Variants in KIAA1328 observed in about 807,000 individuals in gnomAD.
The protein encoded by KIAA1328 is protein hinderin.
Under a neutral mutation model 68.1 loss-of-function variants are expected in KIAA1328, and 52 were observed. That is an observed-to-expected ratio of 0.76 (90% CI 0.61 to 0.96). The LOEUF is 0.96. Ranked by LOEUF, KIAA1328 falls within the 40% of genes least tolerant of loss-of-function variation. The pLI, the probability that KIAA1328 is intolerant of heterozygous loss-of-function variation, is 0.00. For synonymous variants in KIAA1328, 232 were observed against 239.4 expected, an observed-to-expected ratio of 0.97 and a Z score of 0.28; for missense variants, 641 against 677.6, an observed-to-expected ratio of 0.95 and a Z score of 0.60.
intron 3 of KIAA1328, among the ~76,000 whole-genome samples, chr18:36,837,305 A>G (rs1223965904): frequency 6.6e-6 from 1 of 152,170 alleles, no homozygotes; most frequent in African/African-American, 2.4e-5. Flanking sequence ...GTGAAGTGGT[A>G]ATTCAATGTG....
chr18:36,959,334 C>T lies in KIAA1328; in HGVS notation c.475C>T (p.Gln159Ter), dbSNP rs770322485. The T allele has an allele frequency of 6.2e-7, 1 of 1,602,004 alleles. No individual in the cohort carries two copies. The highest frequency in any genetic ancestry group is 1.1e-5 in the South Asian group (1 of 88,518). Residue 159 changes from glutamine (Q) to a stop codon, truncating the protein, a stop_gained, in exon 6 of 10, where the codon CAA becomes TAA. Coordinates refer to ENST00000280020, the MANE Select transcript of KIAA1328 (RefSeq NM_020776.3). LOFTEE classifies it high-confidence loss of function. ...EALQLQYREC[Q>*]ELLSLYQKYL... Reference sequence around the variant, plus strand: ...TCTTCAGCTACAGTATAGAGAATGCCAAGAACTTCTAAGCCTGTATCAGAA... The same window carrying T: ...TCTTCAGCTACAGTATAGAGAATGCTAAGAACTTCTAAGCCTGTATCAGAA...
chr18:36,891,557 G>A (rs903340958), intron 5 of KIAA1328, among the ~76,000 whole-genome samples: 1 of 152,166 alleles, frequency 6.6e-6, no homozygotes, highest in Non-Finnish European at 1.5e-5. Flanking sequence ...AGAACATAAC[G>A]ATGTTTGGTT....
At chr18:37,145,224 A>G (rs1055042549) in intron 7 of KIAA1328, among the ~76,000 whole-genome samples, 9 of 152,218 alleles carry the variant, frequency 5.9e-5, no homozygotes, top group Non-Finnish European at 1.0e-4. Context: ...AAGAAAGAAA[A>G]AAAAAAGTAT....
At chr18:37,064,155 C>A (rs2056256847) in intron 6 of KIAA1328, among the ~76,000 whole-genome samples, 1 of 152,124 alleles carries the variant, frequency 6.6e-6, no homozygotes, top group Non-Finnish European at 1.5e-5. Context: ...GGTTCATATT[C>A]TATTGCTTGT....
chr18:36,952,497 G>T (rs1277421019), intron 5 of KIAA1328, among the ~76,000 whole-genome samples: 2 of 151,972 alleles, frequency 1.3e-5, no homozygotes, highest in African/African-American at 4.8e-5. Context: ...TACATTTGCA[G>T]TTGCCCTGTG....
In KIAA1328 at chr18:36,869,925, C is replaced by T. The variant is rs544217167; in HGVS notation, c.333-15632C>T. 4.5e-4 allele frequency among the ~76,000 whole-genome samples: 69 copies of T among 152,050 alleles called. 1 individual carries two copies. Among genetic ancestry groups the T allele is most frequent in the Non-Finnish European group, 2.2e-4 (15 of 67,980 alleles). On this transcript the variant is annotated intron_variant, in intron 4 of 9. Transcript: ENST00000280020. Reference sequence around the variant, plus strand: ...GTCACCAGGCTGGAGTGCAATGGCGCGATCTGGGCTCACTGCAACCTCTGC... The same window carrying T: ...GTCACCAGGCTGGAGTGCAATGGCGTGATCTGGGCTCACTGCAACCTCTGC...
chr18:36,885,192 A>C (rs2048456314), intron 4 of KIAA1328, among the ~76,000 whole-genome samples: 1 of 152,170 alleles, frequency 6.6e-6, no homozygotes, highest in African/African-American at 2.4e-5. Flanking sequence ...GTAAATCAAA[A>C]TCAATTGATT....
At chr18:37,105,501 G>GA (rs376818867) in intron 7 of KIAA1328, among the ~76,000 whole-genome samples, 44,009 of 100,096 alleles carry the variant, frequency 0.44, 9,135 homozygotes, top group African/African-American at 0.6. Flanking sequence ...CTTTTTGAAG[G>GA]AAAAAAAAAA....
At chr18:37,103,313 G>A (rs1272218392) in intron 7 of KIAA1328, among the ~76,000 whole-genome samples, 2 of 152,138 alleles carry the variant, frequency 1.3e-5, no homozygotes, top group African/African-American at 4.8e-5. Flanking sequence ...TAGACACATA[G>A]ACCAGTGGAA....
At chr18:37,025,337 A>G (rs1374128285) in intron 6 of KIAA1328, among the ~76,000 whole-genome samples, 1 of 152,194 alleles carries the variant, frequency 6.6e-6, no homozygotes, top group Non-Finnish European at 1.5e-5. Flanking sequence ...TAACAAGGAT[A>G]TCCAGGACTT....
At chr18:37,119,279 A>C (rs1213128005) in intron 7 of KIAA1328, among the ~76,000 whole-genome samples, 1 of 152,176 alleles carries the variant, frequency 6.6e-6, no homozygotes, top group Non-Finnish European at 1.5e-5. Flanking sequence ...TAAAGCTTGA[A>C]TGAATGCTGT....
rs971818696 is a variant in KIAA1328 at position 37,224,047 on chromosome 18, T to C, written c.*1820T>C. On this transcript the variant is annotated 3_prime_UTR_variant, in exon 10 of 10. Coordinates refer to ENST00000280020, the MANE Select transcript of KIAA1328 (RefSeq NM_020776.3). Reference sequence around the variant, plus strand: ...TTGGAGTGTGGAGCTTTCTGTGGTATGGCAGAAATGGGTGGATGGCAAACT... The same window carrying C: ...TTGGAGTGTGGAGCTTTCTGTGGTACGGCAGAAATGGGTGGATGGCAAACT... 4 of 985,286 alleles carry C rather than the reference T, an allele frequency of 4.1e-6. No individual in the cohort carries two copies. In the African/African-American group the frequency reaches 5.2e-5, roughly 13 times the overall value. The allele number at this position is 985,286 out of a possible 1,614,324, so 61.0% of individuals were successfully genotyped here.
intron 5 of KIAA1328, among the ~76,000 whole-genome samples, chr18:36,933,802 C>T (rs2050401205): frequency 6.6e-6 from 1 of 152,208 alleles, no homozygotes; most frequent in Non-Finnish European, 1.5e-5. Context: ...AGGCAGGGGC[C>T]TTGAGAGGGC....
At chr18:37,091,880 C>G (rs987349874) in intron 7 of KIAA1328, among the ~76,000 whole-genome samples, 3 of 152,174 alleles carry the variant, frequency 2.0e-5, no homozygotes, top group Non-Finnish European at 4.4e-5. Context: ...GCATGCGCTC[C>G]CCATAGCCTG....
intron 6 of KIAA1328, among the ~76,000 whole-genome samples, chr18:36,988,515 T>A (rs2053038104): frequency 6.6e-6 from 1 of 152,352 alleles, no homozygotes; most frequent in Admixed American, 6.5e-5. Flanking sequence ...ATTTTGTGTG[T>A]GTGAAAGATT....
intron 9 of KIAA1328, among the ~76,000 whole-genome samples, chr18:37,185,094 A>G (rs2059769937): frequency 6.6e-6 from 1 of 151,718 alleles, no homozygotes; most frequent in Non-Finnish European, 1.5e-5. Context: ...TGAACCTGGG[A>G]GGCAGAGCTT....
At chr18:37,051,232 C>CAA (rs34358140) in intron 6 of KIAA1328, among the ~76,000 whole-genome samples, 2 of 146,380 alleles carry the variant, frequency 1.4e-5, no homozygotes, top group African/African-American at 5.0e-5. Context: ...AAATTGAGAG[C>CAA]AAAAAAAAAA....
At chr18:36,860,669 C>T (rs1020956579) in intron 4 of KIAA1328, among the ~76,000 whole-genome samples, 8 of 151,892 alleles carry the variant, frequency 5.3e-5, no homozygotes, top group African/African-American at 1.9e-4. Context: ...TAAATTTTAA[C>T]TCAGCATAAT....
chr18:37,124,018 A>T (rs531429805), intron 7 of KIAA1328, among the ~76,000 whole-genome samples: 1 of 152,176 alleles, frequency 6.6e-6, no homozygotes, highest in Admixed American at 6.5e-5. Context: ...TGTATACTAT[A>T]TGCCAGTGCA....
Sources: gnomAD v4.1 joint callset for allele counts (sites outside exome capture counted in the v4.1 genomes callset) on GRCh38, gnomAD v4.1.1 for gene constraint, MANE v1.5 for transcripts, NCBI Gene and HGNC (gene_info 2026-07-23, HGNC 2026-07-21) for gene names.